Variants in ENTPD3 observed in about 807,000 individuals in gnomAD.
The protein encoded by ENTPD3 is ectonucleoside triphosphate diphosphohydrolase 3.
ENTPD3 carries 60 observed loss-of-function variants against 51.2 expected under a neutral mutation model. The ratio of observed to expected loss-of-function variants is 1.17; its 90% CI spans 0.95 to 1.45. The LOEUF is 1.45. Among genes scored for constraint, ENTPD3 ranks in the 40% most tolerant of loss-of-function variants. ENTPD3 has a pLI of 0.00. For synonymous variants in ENTPD3, 221 were observed against 238.4 expected (o/e 0.93, Z 0.67); for missense variants, 593 against 641.1 (o/e 0.93, Z 0.81).
intron 3 of ENTPD3, chr3:40,394,166 A>G (rs62263875): frequency 0.97 from 148,852 of 153,506 alleles, 72,343 homozygotes; most frequent in Middle Eastern, 1. Flanking sequence ...CTAGGCTGGA[A>G]TGCAGTGGCA....
At chr3:40,403,417 G>T (rs193198780) in intron 4 of ENTPD3, among the ~76,000 whole-genome samples, 1 of 152,170 alleles carries the variant, frequency 6.6e-6, no homozygotes, top group Non-Finnish European at 1.5e-5. Context: ...CAGCTGATCC[G>T]TTATGCTGCA....
At chr3:40,405,066 C>A (rs1955458995) in intron 4 of ENTPD3, among the ~76,000 whole-genome samples, 1 of 152,178 alleles carries the variant, frequency 6.6e-6, no homozygotes, top group Non-Finnish European at 1.5e-5. Context: ...TGCTGCCTTT[C>A]CCCACAAGGG....
Position 40,393,015 on chromosome 3 carries a change from A to T in ENTPD3, c.168+865A>T, listed in dbSNP as rs147613994. Among the ~76,000 whole-genome samples the T allele has an allele frequency of 1.2e-3, 175 of 151,254 alleles. 1 individual carries two copies. Among genetic ancestry groups the T allele is most frequent in the African/African-American group, 4.0e-3 (167 of 41,272 alleles). On this transcript the variant is annotated intron_variant, in intron 3 of 10. Coordinates refer to ENST00000301825, the MANE Select transcript of ENTPD3 (RefSeq NM_001248.4). ...AAAAAAAAAAAAAAAATTACTCAGG[A>T]CCTTGTGCTTAGTCCCAGAGGCCCC...
In ENTPD3 at chr3:40,411,809, C is replaced by T; in HGVS notation, c.287-3C>T. The stretch of plus-strand genomic sequence containing the variant: ...TGACAGATGCTGACTGCTTGCTTTT[C>T]AGGCTCTGGAATCTCCAGCTATGGA... On this transcript the variant is annotated splice_region_variant and splice_polypyrimidine_tract_variant and intron_variant, in intron 4 of 10. Transcript: ENST00000301825. The T allele has an allele frequency of 6.4e-7, 1 of 1,567,464 alleles. No individual in the cohort carries two copies. Among genetic ancestry groups the T allele is most frequent in the African/African-American group, 1.4e-5 (1 of 73,174 alleles).
chr3:40,392,301 A>G lies in ENTPD3; in HGVS notation c.168+151A>G, dbSNP rs551114047. ...GAAGTTAGTGTAAGACGCAAGGGAG[A>G]AGGTCTGGACATGCTGGGTTTGTGA... On this transcript the variant is annotated intron_variant, in intron 3 of 10. Coordinates refer to ENST00000301825, the MANE Select transcript of ENTPD3 (RefSeq NM_001248.4). 106 of 863,200 alleles carry G rather than the reference A, an allele frequency of 1.2e-4. No homozygotes were observed. In the African/African-American group the frequency reaches 1.6e-3, roughly 13 times the overall value. 53.5% of individuals were successfully genotyped at this position (863,200 alleles called of 1,614,324 possible).
At chr3:40,391,149 A>G (rs1421105165) in intron 2 of ENTPD3, 2 of 151,838 alleles carry the variant, frequency 1.3e-5, no homozygotes, top group African/African-American at 2.4e-5. Context: ...TTCTTGGTAG[A>G]GACATGGTTT....
chr3:40,415,724 C>T (rs1955730408), intron 6 of ENTPD3, 116 bp from the exon 7 acceptor site: 1 of 731,706 alleles, frequency 1.4e-6, no homozygotes, highest in African/African-American at 1.8e-5. Flanking sequence ...ATTGGCCTCA[C>T]ATGCTCCCTC....
In ENTPD3 at chr3:40,392,123, GC is replaced by G. The variant is rs749202999; in HGVS notation, c.142del (p.Gln48LysfsTer8). ...VSITVIQIHK[Q>X]EVLPPGLKYG... ...GTATCACTGTCATCCAGATCCACAA[GC>G]AAGAGGTCCTCCCTCCAGGACTGAA... On this transcript the variant is annotated frameshift_variant, in exon 3 of 11. Coordinates refer to ENST00000301825, the MANE Select transcript of ENTPD3 (RefSeq NM_001248.4). LOFTEE classifies it high-confidence loss of function. 4.4e-5 allele frequency: 71 copies of G among 1,614,094 alleles called. No individual in the cohort carries two copies. Among genetic ancestry groups the G allele is most frequent in the Non-Finnish European group, 6.0e-5 (71 of 1,180,048 alleles).
At chr3:40,411,619 A>G (rs1396707855) in intron 4 of ENTPD3, among the ~76,000 whole-genome samples, 193 bp from the exon 5 acceptor site, 2 of 152,266 alleles carry the variant, frequency 1.3e-5, no homozygotes, top group East Asian at 3.9e-4. Flanking sequence ...TTTTTATACA[A>G]TTGTAATTCA....
chr3:40,402,935 C>CGAGCA (rs1955402811), intron 4 of ENTPD3, among the ~76,000 whole-genome samples: 1 of 152,094 alleles, frequency 6.6e-6, no homozygotes, highest in South Asian at 2.1e-4. Flanking sequence ...CTTCCTCGTT[C>CGAGCA]GAGCATTAGG....
At chr3:40,402,136 T>TTTTTTTTA (rs1575214874) in intron 4 of ENTPD3, among the ~76,000 whole-genome samples, 1 of 144,014 alleles carries the variant, frequency 6.9e-6, no homozygotes, top group African/African-American at 2.5e-5. Context: ...TTTTTTTTTT[T>TTTTTTTTA]GAGACAGAGT....
intron 7 of ENTPD3, among the ~76,000 whole-genome samples, chr3:40,418,978 G>C (rs145408804): frequency 1.6e-3 from 240 of 152,264 alleles, no homozygotes; most frequent in African/African-American, 5.4e-3. Flanking sequence ...CATAGAAAGA[G>C]TGTTAAAGTC....
chr3:40,406,869 C>A (rs960829369), intron 4 of ENTPD3, among the ~76,000 whole-genome samples: 1 of 152,116 alleles, frequency 6.6e-6, no homozygotes, highest in African/African-American at 2.4e-5. Flanking sequence ...GCCTCCACAA[C>A]AAAGAATTAT....
At chr3:40,417,964 G>A (rs914758736) in intron 7 of ENTPD3, among the ~76,000 whole-genome samples, 5 of 152,134 alleles carry the variant, frequency 3.3e-5, no homozygotes, top group African/African-American at 1.2e-4. Flanking sequence ...GTTTCTGTCT[G>A]TCTGCGTGCC....
chr3:40,427,216 G>A (rs759444800), intron 10 of ENTPD3, 56 bp from the exon 11 acceptor site: 1 of 1,391,918 alleles, frequency 7.2e-7, no homozygotes, highest in Non-Finnish European at 1.0e-6. Flanking sequence ...ACTCCGGTAT[G>A]TGATTGCAGC....
chr3:40,409,180 A>G (rs905746542), intron 4 of ENTPD3, among the ~76,000 whole-genome samples: 30 of 152,078 alleles, frequency 2.0e-4, no homozygotes, highest in African/African-American at 7.0e-4. Context: ...TGAACCTGGG[A>G]GGCGGAGGCT....
chr3:40,414,806 T>C lies in ENTPD3; in HGVS notation c.563T>C (p.Ile188Thr), dbSNP rs1384168809. Residue 188 changes from isoleucine to threonine, a missense_variant, in exon 6 of 11, where the codon ATT (isoleucine) becomes ACT (threonine). By Grantham distance (89) the Ile-to-Thr change is moderately conservative (BLOSUM62 -1). Transcript: ENST00000301825. Reference protein sequence around the residue: ...SGQEEGVYGWITANYLMGNFL... With the variant: ...SGQEEGVYGWTTANYLMGNFL... ...CAAGAAGAAGGGGTATATGGATGGA[T>C]TACAGCCAACTATTTAATGGGAAAT... 1 of 1,613,898 alleles carries C rather than the reference T, an allele frequency of 6.2e-7. No individual in the cohort carries two copies. Among genetic ancestry groups the C allele is most frequent in the Non-Finnish European group, 8.5e-7 (1 of 1,179,978 alleles).
At chr3:40,419,253 AT>A (rs1197333273) in intron 7 of ENTPD3, among the ~76,000 whole-genome samples, 1 of 152,222 alleles carries the variant, frequency 6.6e-6, no homozygotes, top group East Asian at 1.9e-4. Flanking sequence ...GGACAGGTGT[AT>A]TTTTTTATTT....
chr3:40,412,049 G>C (rs1250407351), intron 5 of ENTPD3, 87 bp downstream of exon 5: 2 of 1,314,890 alleles, frequency 1.5e-6, no homozygotes, highest in Non-Finnish European at 2.0e-6. Flanking sequence ...CTCTATTTCT[G>C]GGAACAACCC....
Sources: gnomAD v4.1 joint callset for allele counts (sites outside exome capture counted in the v4.1 genomes callset) on GRCh38, gnomAD v4.1.1 for gene constraint, MANE v1.5 for transcripts, NCBI Gene and HGNC (gene_info 2026-07-23, HGNC 2026-07-21) for gene names.